Variants in PCNX3 observed in about 807,000 individuals in gnomAD.
PCNX3 encodes the protein pecanex 3.
PCNX3 carries 58 observed loss-of-function variants against 207.2 expected under a neutral mutation model. The observed-to-expected ratio is 0.28, with a 90% CI of 0.23 to 0.35. The LOEUF is 0.35. Ranked by LOEUF, PCNX3 falls within the 10% of genes least tolerant of loss-of-function variation. The pLI is 1.00. For missense variants in PCNX3, 2,410 were observed against 2,774.4 expected (o/e 0.87, Z 2.95); for synonymous variants, 1,337 against 1,183.5 (o/e 1.13, Z -2.66).
In PCNX3 at chr11:65,618,613, C is replaced by T. The variant is rs1033061030; in HGVS notation, c.1251C>T (p.Gly417=). The stretch of plus-strand genomic sequence containing the variant: ...GACGGCCCCTGCTTGAAGGTGGGGG[C>T]TTCTTTGAGGATGAAGACACTAGTG... ...APRRPLLEGG[G]FFEDEDTSEG... Residue 417 remains glycine (G), a synonymous_variant, in exon 6 of 35, where the codon GGC becomes GGT. Coordinates refer to ENST00000355703, the MANE Select transcript of PCNX3 (RefSeq NM_032223.4). 9 of 1,612,560 alleles carry T rather than the reference C, an allele frequency of 5.6e-6. No homozygotes were observed. In the Admixed American group the frequency reaches 1.0e-4, roughly 18 times the overall value.
chr11:65,626,160 C>T (rs561900829), intron 20 of PCNX3, 106 bp downstream of exon 20: 283 of 1,432,240 alleles, frequency 2.0e-4, no homozygotes, highest in African/African-American at 1.5e-3. Flanking sequence ...AGGGGGCACT[C>T]GCTGCCCACA....
rs113544898 is a variant in PCNX3, at chr11:65,631,701, C to G, written c.4470+1097C>G. Among the ~76,000 whole-genome samples the G allele has an allele frequency of 2.8e-4, 43 of 151,844 alleles. 1 individual carries two copies. Among genetic ancestry groups the G allele is most frequent in the African/African-American group, 1.0e-3 (43 of 41,406 alleles). On this transcript the variant is annotated intron_variant, in intron 27 of 34. Coordinates refer to ENST00000355703, the MANE Select transcript of PCNX3 (RefSeq NM_032223.4). ...TGAGGCTTGTGGTGCTCAGAATAAGCGTACTGGGAGTGGGGTGGCCTGCTG... is the reference window on the plus strand; with the variant it reads ...TGAGGCTTGTGGTGCTCAGAATAAGGGTACTGGGAGTGGGGTGGCCTGCTG...
chr11:65,635,387 C>A lies in PCNX3; in HGVS notation c.5123C>A (p.Ala1708Asp), dbSNP rs1244444540. Residue 1708 changes from alanine (A) to aspartate (D), a missense_variant, in exon 31 of 35, where the codon GCC (alanine) becomes GAC (aspartate). By Grantham distance (126) the Ala-to-Asp change is moderately radical. Around this residue, in one of 8 missense-constraint regions of PCNX3, gnomAD observed 420 missense variants for 705.3 expected, o/e 0.60. Coordinates refer to ENST00000355703, the MANE Select transcript of PCNX3 (RefSeq NM_032223.4). The surrounding 1 kb of genome is among the most constrained non-coding windows in gnomAD (Gnocchi z 9.9). ...GCGCTGCGCCATGTCCTGGATGATG[C>A]CTCCGACGAGTACAAGATCATCATG... Reference protein sequence around the residue: ...LLALRHVLDDASDEYKIIMLN... With the variant: ...LLALRHVLDDDSDEYKIIMLN... 1.2e-6 allele frequency: 2 copies of A among 1,612,254 alleles called. No homozygotes were observed. The highest frequency in any genetic ancestry group is 2.7e-5 in the African/African-American group (2 of 74,906).
Position 65,635,814 on chromosome 11 carries a change from G to C in PCNX3, c.5459+11G>C, listed in dbSNP as rs536065988. 7 of 1,598,480 alleles carry C rather than the reference G, an allele frequency of 4.4e-6. No individual in the cohort carries two copies. Among genetic ancestry groups the C allele is most frequent in the African/African-American group, 1.3e-5 (1 of 74,824 alleles). ...GCGCACCTGGGAGAGGTGAGGCCTC[G>C]GGAAGGGGTGACGTGTGGCGCGGGA... On this transcript the variant is annotated intron_variant, in intron 32 of 34. Transcript: ENST00000355703. This position sits in a 1 kb window ranked among gnomAD's most constrained non-coding sequence, Gnocchi z 9.9.
chr11:65,625,452 T>G lies in PCNX3; in HGVS notation c.3077T>G (p.Leu1026Trp). ...KLFPELEERS[L>W]ETARAEPPDP... ...TTCCCTGAGCTGGAGGAGCGCAGCTTGGAGACAGCCCGGGCCGAGCCCCCG... is the reference window on the plus strand; with the variant it reads ...TTCCCTGAGCTGGAGGAGCGCAGCTGGGAGACAGCCCGGGCCGAGCCCCCG... Residue 1026 changes from leucine (L) to tryptophan (W), a missense_variant, in exon 18 of 35, where the codon TTG (leucine) becomes TGG (tryptophan). By Grantham distance (61) the Leu-to-Trp change is moderately conservative (BLOSUM62 -2). Around this residue, in one of 8 missense-constraint regions of PCNX3, gnomAD observed 333 missense variants for 386.8 expected, o/e 0.86. Transcript: ENST00000355703. The surrounding 1 kb of genome is among the most constrained non-coding windows in gnomAD (Gnocchi z 5.6). The G allele has an allele frequency of 6.3e-7, 1 of 1,583,510 alleles. No homozygotes were observed. Among genetic ancestry groups the G allele is most frequent in the South Asian group, 1.1e-5 (1 of 90,488 alleles).
At chr11:65,633,947 T>G in intron 27 of PCNX3, 179 bp from the exon 28 acceptor site, 1 of 625,118 alleles carries the variant, frequency 1.6e-6, no homozygotes, top group Non-Finnish European at 2.8e-6. Flanking sequence ...TCCTCCCTGG[T>G]CTAGGGGAAG....
At chr11:65,626,531 C>T in intron 20 of PCNX3, 1 of 416,902 alleles carries the variant, frequency 2.4e-6, no homozygotes, top group Middle Eastern at 7.6e-4. Context: ...CCCAGACTAG[C>T]ATCCCTCTGT....
Position 65,637,016 on chromosome 11 carries a change from G to A in PCNX3, c.*38G>A, listed in dbSNP as rs1187703887. 6.5e-7 allele frequency: 1 copy of A among 1,536,890 alleles called. No homozygotes were observed. The highest frequency in any genetic ancestry group is 8.8e-7 in the Non-Finnish European group (1 of 1,142,600). ...CCACTGGACCACCTCCTAGGATTCA[G>A]TAACGGACCTGCTCTGCTGCCTCTC... On this transcript the variant is annotated 3_prime_UTR_variant, in exon 35 of 35. Transcript: ENST00000355703.
intron 15 of PCNX3, 135 bp downstream of exon 15, chr11:65,624,716 C>T (rs985864898): frequency 3.7e-5 from 36 of 965,258 alleles, no homozygotes; most frequent in African/African-American, 9.9e-5. Context: ...TCTGCCTTCT[C>T]CCCTCTCCTT....
At chr11:65,631,510 T>C (rs1368897622) in intron 27 of PCNX3, among the ~76,000 whole-genome samples, 2 of 152,206 alleles carry the variant, frequency 1.3e-5, no homozygotes, top group East Asian at 1.9e-4. Context: ...TACAAAATAA[T>C]TAGCCGGGTG....
intron 2 of PCNX3, 79 bp from the exon 3 acceptor site, chr11:65,617,171 A>C (rs1262260624): frequency 2.8e-6 from 4 of 1,439,524 alleles, no homozygotes; most frequent in Non-Finnish European, 3.8e-6. Flanking sequence ...TCTGAAAAAG[A>C]AGCAGTGACA....
chr11:65,621,438 A>G (rs755710236), intron 10 of PCNX3, among the ~76,000 whole-genome samples: 2 of 152,234 alleles, frequency 1.3e-5, no homozygotes, highest in Non-Finnish European at 2.9e-5. Flanking sequence ...AAATTTGTAT[A>G]CTTAATCTAT....
chr11:65,622,912 C>A (rs1188593358), intron 11 of PCNX3, among the ~76,000 whole-genome samples: 2 of 151,000 alleles, frequency 1.3e-5, no homozygotes, highest in African/African-American at 4.9e-5. Context: ...ATCCTATTCA[C>A]TTTTTTTTTA....
At chr11:65,626,155 G>T (rs1379182346) in intron 20 of PCNX3, 101 bp downstream of exon 20, 1 of 1,466,514 alleles carries the variant, frequency 6.8e-7, no homozygotes, top group Admixed American at 2.0e-5. Context: ...CCAGCAGGGG[G>T]CACTCGCTGC....
chr11:65,636,953 A>G lies in PCNX3; in HGVS notation c.6080A>G (p.Gln2027Arg), dbSNP rs1249440064. The G allele has an allele frequency of 2.5e-6, 4 of 1,569,802 alleles. No individual in the cohort carries two copies. Among genetic ancestry groups the G allele is most frequent in the Admixed American group, 1.9e-5 (1 of 53,756 alleles). ...PIEERESPAA[Q>R]PLLEHQY ...GAGGAGCGTGAGAGCCCGGCAGCCC[A>G]GCCCCTGCTGGAACACCAGTACTGA... The change falls in exon 35 of 35, where the codon CAG becomes CGG. Residue 2027 changes from glutamine to arginine, a missense_variant. By Grantham distance (43) the Gln-to-Arg change is conservative (BLOSUM62 1). This residue lies in a region of PCNX3 where 278 missense variants were observed against 245.1 expected (regional missense o/e 1.13). Transcript: ENST00000355703.
chr11:65,636,416 A>G lies in PCNX3; in HGVS notation c.5619A>G (p.Pro1873=). The part of the protein sequence containing the change: ...TAGNGDQPLP[P]GPGWGPRSSL... The stretch of plus-strand genomic sequence containing the variant: ...GCAATGGTGACCAACCCCTCCCACC[A>G]GGCCCTGGCTGGGGGCCGCGGTCCT... The change falls in exon 34 of 35, where the codon CCA becomes CCG. Residue 1873 remains proline (P), a synonymous_variant. Coordinates refer to ENST00000355703, the MANE Select transcript of PCNX3 (RefSeq NM_032223.4). 6.4e-7 allele frequency: 1 copy of G among 1,555,852 alleles called. No individual in the cohort carries two copies.
chr11:65,631,807 G>T (rs1465168603), intron 27 of PCNX3, among the ~76,000 whole-genome samples: 1 of 151,642 alleles, frequency 6.6e-6, no homozygotes, highest in African/African-American at 2.4e-5. Context: ...GGCCTACTGG[G>T]GCCCAGGTGA....
Position 65,625,423 on chromosome 11 carries a change from G to A in PCNX3, c.3048G>A (p.Lys1016=), listed in dbSNP as rs1296439118. The A allele has an allele frequency of 6.2e-7, 1 of 1,605,198 alleles. No individual in the cohort carries two copies. The change falls in exon 18 of 35, where the codon AAG becomes AAA. Residue 1016 remains lysine, a synonymous_variant. Coordinates refer to ENST00000355703, the MANE Select transcript of PCNX3 (RefSeq NM_032223.4). This position sits in a 1 kb window ranked among gnomAD's most constrained non-coding sequence, Gnocchi z 5.6. ...PTVLWSLIRS[K]LFPELEERSL... is the part of the protein sequence containing the mutation. ...CCCCCAGGTCTCTGATCCGGAGCAA[G>A]CTGTTCCCTGAGCTGGAGGAGCGCA...
chr11:65,627,435 G>A lies in PCNX3; in HGVS notation c.3555G>A (p.Gly1185=). 6.2e-7 allele frequency: 1 copy of A among 1,611,906 alleles called. No individual in the cohort carries two copies. Among genetic ancestry groups the A allele is most frequent in the African/African-American group, 1.3e-5 (1 of 75,044 alleles). Residue 1185 remains glycine, a synonymous_variant, in exon 22 of 35, where the codon GGG becomes GGA. Coordinates refer to ENST00000355703, the MANE Select transcript of PCNX3 (RefSeq NM_032223.4). ...GGGCGCTGCTGATGACCGTGGCTGGGCTGAAGCTGCTGCGCTCAGCCTTCT... is the reference window on the plus strand; with the variant it reads ...GGGCGCTGCTGATGACCGTGGCTGGACTGAAGCTGCTGCGCTCAGCCTTCT... ...YCRALLMTVA[G]LKLLRSAFCC... is the part of the protein sequence containing the mutation.
Sources: gnomAD v4.1 joint callset for allele counts (sites outside exome capture counted in the v4.1 genomes callset) on GRCh38, gnomAD v4.1.1 for gene constraint, gnomAD v4.1.1 regional missense constraint, Gnocchi (gnomAD v3.1) non-coding constraint, MANE v1.5 for transcripts, NCBI Gene and HGNC (gene_info 2026-07-23, HGNC 2026-07-21) for gene names.